The following DLGAP2 variants were observed in gnomAD, a reference collection of about 807,000 sequenced individuals.
The protein encoded by DLGAP2 is DLG associated protein 2, also known as disks large-associated protein 2.
In DLGAP2, 26 loss-of-function variants were observed where a neutral mutation model predicts 100.3. The observed-to-expected ratio is 0.26, with a 90% CI of 0.19 to 0.36. The LOEUF (loss-of-function observed/expected upper bound fraction) is 0.36, where lower values mean the gene tolerates loss of function less well. Among genes scored for constraint, DLGAP2 ranks in the 10% least tolerant of loss-of-function variants. The pLI, the probability that DLGAP2 is intolerant of heterozygous loss-of-function variation, is 1.00. For synonymous variants in DLGAP2, 886 were observed against 630.1 expected (o/e 1.41, Z -6.08); for missense variants, 1,858 against 1,453.2 (o/e 1.28, Z -4.53).
At chr8:1,446,181 A>G (rs908177402) in intron 3 of DLGAP2, among the ~76,000 whole-genome samples, 1 of 151,938 alleles carries the variant, frequency 6.6e-6, no homozygotes, top group African/African-American at 2.4e-5. Flanking sequence ...CTATGTCCTG[A>G]ATGGTATTGC....
Position 1,668,541 on chromosome 8 carries a change from C to G in DLGAP2, c.2023C>G (p.Leu675Val). 2 of 1,592,112 alleles carry G rather than the reference C, an allele frequency of 1.3e-6. No individual in the cohort carries two copies. The highest frequency in any genetic ancestry group is 1.7e-6 in the Non-Finnish European group (2 of 1,170,458). Residue 675 changes from leucine to valine, a missense_variant, in exon 9 of 15, where the codon CTC becomes GTC. Physicochemically the swap from Leu to Val is conservative, Grantham distance 32 (BLOSUM62 1). Coordinates refer to ENST00000637795, the MANE Select transcript of DLGAP2 (RefSeq NM_001346810.2). Reference sequence around the variant, plus strand: ...CCTGGACAGCAACAAGGCCATGAACCTCGCGCTGGAAACGGCCGCTGCCCA... The same window carrying G: ...CCTGGACAGCAACAAGGCCATGAACGTCGCGCTGGAAACGGCCGCTGCCCA... ...DSLDSNKAMN[L>V]ALETAAAQRH...
At chr8:781,730 GA>G (rs1821692895) in intron 1 of DLGAP2, among the ~76,000 whole-genome samples, 1 of 152,176 alleles carries the variant, frequency 6.6e-6, no homozygotes, top group African/African-American at 2.4e-5. Context: ...CAAAGCACAT[GA>G]AAAATTTGTC....
At chr8:1,366,757 G>T (rs1440543324) in intron 3 of DLGAP2, among the ~76,000 whole-genome samples, 1 of 152,154 alleles carries the variant, frequency 6.6e-6, no homozygotes, top group Non-Finnish European at 1.5e-5. Flanking sequence ...CCAGGAGGCT[G>T]GACCTTCTGT....
chr8:1,033,790 C>T (rs1392588679), intron 2 of DLGAP2, among the ~76,000 whole-genome samples: 3 of 149,578 alleles, frequency 2.0e-5, no homozygotes, highest in African/African-American at 7.4e-5. Context: ...TTCACACGCT[C>T]ATCCCGACCC....
At chr8:1,087,623 T>C (rs867977844) in intron 2 of DLGAP2, among the ~76,000 whole-genome samples, 1 of 152,004 alleles carries the variant, frequency 6.6e-6, no homozygotes, top group Non-Finnish European at 1.5e-5. Flanking sequence ...CTGTTTCATC[T>C]GATCTTATTT....
intron 1 of DLGAP2, 179 bp downstream of exon 1, chr8:738,004 C>T (rs896184334): frequency 2.2e-5 from 7 of 321,654 alleles, no homozygotes; most frequent in Admixed American, 2.0e-4. Flanking sequence ...CAGGGACAGC[C>T]TGTGCTCGGG....
chr8:1,169,457 A>G (rs1286009444), intron 2 of DLGAP2, among the ~76,000 whole-genome samples: 5 of 152,146 alleles, frequency 3.3e-5, no homozygotes, highest in South Asian at 2.1e-4. Context: ...CATTGAATCT[A>G]TCAATTACCC....
intron 3 of DLGAP2, among the ~76,000 whole-genome samples, chr8:1,438,426 A>G (rs1797715293): frequency 6.6e-6 from 1 of 152,172 alleles, no homozygotes; most frequent in Admixed American, 6.5e-5. Context: ...GTTTTTCCAA[A>G]GAATAAAATT....
chr8:1,464,623 T>A (rs557776639), intron 3 of DLGAP2, among the ~76,000 whole-genome samples: 1 of 151,274 alleles, frequency 6.6e-6, no homozygotes. Context: ...AGCTAGTCAC[T>A]GTCTCCAATG....
chr8:1,529,834 G>A (rs1433115239), intron 4 of DLGAP2, among the ~76,000 whole-genome samples: 2 of 152,166 alleles, frequency 1.3e-5, no homozygotes, highest in Non-Finnish European at 2.9e-5. Context: ...CTGGGCATCC[G>A]GGGAGACATC....
Position 1,289,843 on chromosome 8 carries a change from T to G in DLGAP2, c.106+30960T>G, listed in dbSNP as rs541792849. Among the ~76,000 whole-genome samples the G allele has an allele frequency of 2.0e-5, 3 of 152,304 alleles. No homozygotes were observed. In the East Asian group the frequency reaches 5.8e-4, roughly 29 times the overall value. Reference sequence around the variant, plus strand: ...ATGTCTGAACACAGGATTTCAGCAGTGATGGGAATTTAGAGAATCTTTCCT... The same window carrying G: ...ATGTCTGAACACAGGATTTCAGCAGGGATGGGAATTTAGAGAATCTTTCCT... On this transcript the variant is annotated intron_variant, in intron 3 of 14. Transcript: ENST00000637795.
rs541414724 is a variant in DLGAP2, at chr8:848,305, G to C, written c.19-59607G>C. The stretch of plus-strand genomic sequence containing the variant: ...GTGTTCCAATATAGAAACGTGCGGT[G>C]CCTGTTCCAGTATAGGATCGTGCGG... On this transcript the variant is annotated intron_variant, in intron 1 of 14. Coordinates refer to ENST00000637795, the MANE Select transcript of DLGAP2 (RefSeq NM_001346810.2). Among the ~76,000 whole-genome samples, 3 of 151,694 alleles carry C rather than the reference G, an allele frequency of 2.0e-5. No homozygotes were observed. In the South Asian group the frequency reaches 6.2e-4, roughly 32 times the overall value.
chr8:1,155,843 G>T (rs1325924536), intron 2 of DLGAP2, among the ~76,000 whole-genome samples: 1 of 152,202 alleles, frequency 6.6e-6, no homozygotes, highest in Non-Finnish European at 1.5e-5. Context: ...TGGGCGAGCG[G>T]CGTGTGTGGA....
chr8:1,630,568 A>G (rs895830475), intron 7 of DLGAP2, among the ~76,000 whole-genome samples: 2 of 151,982 alleles, frequency 1.3e-5, no homozygotes, highest in Non-Finnish European at 2.9e-5. Context: ...TGGGCATGGT[A>G]GCGGGCACCT....
chr8:1,086,527 C>G (rs1803979633), intron 2 of DLGAP2, among the ~76,000 whole-genome samples: 1 of 152,096 alleles, frequency 6.6e-6, no homozygotes. Context: ...ACAAGAGGTT[C>G]ACTTCATTTT....
intron 2 of DLGAP2, among the ~76,000 whole-genome samples, chr8:915,329 C>A (rs1474532769): frequency 6.6e-6 from 1 of 152,154 alleles, no homozygotes; most frequent in Non-Finnish European, 1.5e-5. Context: ...GGGTGGATCA[C>A]AAGGTCAGGA....
chr8:1,562,392 C>G (rs369972891), intron 5 of DLGAP2, among the ~76,000 whole-genome samples: 650 of 8,602 alleles, frequency 0.076, 66 homozygotes, highest in African/African-American at 0.2. Flanking sequence ...GTGTGGTGTT[C>G]GGGTGTCCGC....
intron 3 of DLGAP2, among the ~76,000 whole-genome samples, chr8:1,421,044 A>T (rs1380294118): frequency 6.6e-6 from 1 of 152,106 alleles, no homozygotes; most frequent in African/African-American, 2.4e-5. Context: ...AGACTTCCCA[A>T]CTCAGAATAA....
chr8:762,526 A>C (rs1009033113), intron 1 of DLGAP2, among the ~76,000 whole-genome samples: 1 of 152,192 alleles, frequency 6.6e-6, no homozygotes, highest in Non-Finnish European at 1.5e-5. Context: ...AACCATTCCG[A>C]GTCGCCACTT....
Sources: allele counts gnomAD v4.1 joint callset (sites outside exome capture counted in the v4.1 genomes callset), GRCh38; gene constraint gnomAD v4.1.1; transcripts MANE v1.5; gene names NCBI Gene and HGNC (gene_info 2026-07-23, HGNC 2026-07-21).